MIR2052HG: variants seen among roughly 807,000 people sequenced by gnomAD.
MIR2052HG encodes the protein MIR2052 host gene.
chr8:74,703,109 A>G (rs2128741020), intron 3 of MIR2052HG, among the ~76,000 whole-genome samples: 1 of 152,140 alleles, frequency 6.6e-6, no homozygotes, highest in East Asian at 1.9e-4. Context: ...ACAATCAGAA[A>G]AAAAGTGGAC....
At chr8:74,692,939 G>T (rs759950447) in intron 2 of MIR2052HG, among the ~76,000 whole-genome samples, 7 of 152,098 alleles carry the variant, frequency 4.6e-5, no homozygotes, top group Non-Finnish European at 7.4e-5. Flanking sequence ...GTCAAGAAAA[G>T]ACATGACCTA....
chr8:74,696,202 A>G (rs1809294469), intron 2 of MIR2052HG, among the ~76,000 whole-genome samples: 1 of 152,184 alleles, frequency 6.6e-6, no homozygotes, highest in Non-Finnish European at 1.5e-5. Flanking sequence ...TGAAAATTAA[A>G]TAACCTGCTC....
At chr8:74,738,236 C>T (rs1468934873) in intron 4 of MIR2052HG, among the ~76,000 whole-genome samples, 2 of 151,880 alleles carry the variant, frequency 1.3e-5, no homozygotes, top group East Asian at 1.9e-4. Flanking sequence ...CTACATGTAC[C>T]GTATTTCCAT....
intron 1 of MIR2052HG, among the ~76,000 whole-genome samples, chr8:74,603,039 C>CA (rs34579564): frequency 0.12 from 14,442 of 123,916 alleles, 1,056 homozygotes; most frequent in African/African-American, 0.22. Context: ...AACAAAACAC[C>CA]AAAAAAAAAA....
chr8:74,751,857 G>A (rs971731043), intron 4 of MIR2052HG, among the ~76,000 whole-genome samples: 5 of 152,190 alleles, frequency 3.3e-5, no homozygotes, highest in African/African-American at 9.6e-5. Context: ...ACAGATGACT[G>A]TAGGGATATC....
At chr8:74,690,012 G>A (rs557867089) in intron 2 of MIR2052HG, among the ~76,000 whole-genome samples, 2 of 152,070 alleles carry the variant, frequency 1.3e-5, no homozygotes, top group Non-Finnish European at 2.9e-5. Flanking sequence ...ACTTAATGAA[G>A]AAGAGCACCA....
At chr8:74,663,763 T>G (rs1292988412) in intron 2 of MIR2052HG, among the ~76,000 whole-genome samples, 1 of 152,180 alleles carries the variant, frequency 6.6e-6, no homozygotes, top group Non-Finnish European at 1.5e-5. Context: ...ATATAGAAAA[T>G]GTAAGTAGCA....
At chr8:74,749,646 C>A (rs1016640298) in intron 4 of MIR2052HG, among the ~76,000 whole-genome samples, 1 of 151,908 alleles carries the variant, frequency 6.6e-6, no homozygotes, top group Non-Finnish European at 1.5e-5. Context: ...GTCAGGAGCA[C>A]GAGACCAGCC....
intron 2 of MIR2052HG, among the ~76,000 whole-genome samples, chr8:74,626,593 G>A (rs1037081893): frequency 6.6e-5 from 10 of 152,040 alleles, no homozygotes; most frequent in Non-Finnish European, 1.0e-4. Flanking sequence ...TGAATTTCAG[G>A]GCTCTAAGCA....
At chr8:74,733,544 G>A (rs1305200467) in intron 4 of MIR2052HG, among the ~76,000 whole-genome samples, 3 of 146,568 alleles carry the variant, frequency 2.0e-5, no homozygotes, top group Non-Finnish European at 4.5e-5. Flanking sequence ...ATAAACATAC[G>A]TGTGCATGTG....
intron 2 of MIR2052HG, among the ~76,000 whole-genome samples, chr8:74,620,770 A>G (rs1808350499): frequency 6.6e-6 from 1 of 152,178 alleles, no homozygotes; most frequent in Non-Finnish European, 1.5e-5. Flanking sequence ...GGCTGCCATG[A>G]AGGTCTCTGA....
At chr8:74,645,293 T>C (rs3847162) in intron 2 of MIR2052HG, among the ~76,000 whole-genome samples, 12,801 of 152,046 alleles carry the variant, frequency 0.084, 800 homozygotes, top group African/African-American at 0.16. Flanking sequence ...TCTTTCTTTT[T>C]TTTTTTTTTG....
intron 2 of MIR2052HG, among the ~76,000 whole-genome samples, chr8:74,631,779 G>T (rs1394655810): frequency 6.6e-6 from 1 of 152,152 alleles, no homozygotes; most frequent in Non-Finnish European, 1.5e-5. Flanking sequence ...TCAGTGTCTG[G>T]TGAGGACTTG....
intron 4 of MIR2052HG, among the ~76,000 whole-genome samples, chr8:74,712,710 T>TA (rs1459690327): frequency 6.6e-6 from 1 of 151,822 alleles, no homozygotes; most frequent in African/African-American, 2.4e-5. Flanking sequence ...CTTTTTTTTT[T>TA]TTTTATAAAT....
intron 2 of MIR2052HG, among the ~76,000 whole-genome samples, chr8:74,665,973 C>G (rs1322363035): frequency 6.6e-6 from 1 of 152,208 alleles, no homozygotes; most frequent in Non-Finnish European, 1.5e-5. Flanking sequence ...GAGGCCTCCC[C>G]AGCCATGTGG....
At chr8:74,664,164 A>C (rs544806196) in intron 2 of MIR2052HG, among the ~76,000 whole-genome samples, 3 of 151,570 alleles carry the variant, frequency 2.0e-5, no homozygotes, top group African/African-American at 7.3e-5. Context: ...AAAAAAAACT[A>C]TGTATTGCGT....
intron 4 of MIR2052HG, among the ~76,000 whole-genome samples, chr8:74,734,345 T>C (rs1809725432): frequency 6.6e-6 from 1 of 152,234 alleles, no homozygotes; most frequent in Non-Finnish European, 1.5e-5. Context: ...GTTTTGACAC[T>C]ATACACATAT....
In MIR2052HG at chr8:74,679,518, TTAC is replaced by T. The variant is rs1257803946; in HGVS notation, n.217-22858_217-22856del. Among the ~76,000 whole-genome samples the T allele has an allele frequency of 1.6e-4, 19 of 118,916 alleles. No homozygotes were observed. The East Asian group carries it at 4.6e-3, about 29-fold the overall frequency. The allele number at this position is 118,916 out of a possible 152,430, so 78.0% of individuals were successfully genotyped here. Reference sequence around the variant, plus strand: ...ATTGGTTGATAGGCATTTGGCTTGTTTACTATTATTATTATTATTATTATTATT... The same window carrying T: ...ATTGGTTGATAGGCATTTGGCTTGTTTATTATTATTATTATTATTATTATT... On this transcript the variant is annotated intron_variant and non_coding_transcript_variant, in intron 2 of 6. Transcript: ENST00000523442.
chr8:74,707,749 C>CAG (rs1809425938), intron 4 of MIR2052HG, among the ~76,000 whole-genome samples: 1 of 151,984 alleles, frequency 6.6e-6, no homozygotes, highest in South Asian at 2.1e-4. Flanking sequence ...TTGTTGCTTA[C>CAG]AGAAGTTAGA....
Sources: allele counts gnomAD v4.1 joint callset (sites outside exome capture counted in the v4.1 genomes callset), GRCh38; gene constraint gnomAD v4.1.1; transcripts MANE v1.5; gene names NCBI Gene and HGNC (gene_info 2026-07-23, HGNC 2026-07-21).